Variants in ZNF627 observed in about 807,000 individuals in gnomAD.
ZNF627 encodes the protein zinc finger protein 627.
In ZNF627, 12 loss-of-function variants were observed where a neutral mutation model predicts 10.6. The observed-to-expected ratio is 1.13, with a 90% CI of 0.73 to 1.84. The LOEUF (loss-of-function observed/expected upper bound fraction) is 1.84. ZNF627 is among the 40% of genes most tolerant of loss of function. ZNF627 has a pLI of 0.00. For synonymous variants in ZNF627, 176 were observed against 187.1 expected (o/e 0.94, Z 0.48); for missense variants, 504 against 568.4 (o/e 0.89, Z 1.15).
In ZNF627 at chr19:11,609,649, C is replaced by T. The variant is rs181651168; in HGVS notation, c.4-4878C>T. 9.7e-3 allele frequency among the ~76,000 whole-genome samples: 1,472 copies of T among 151,300 alleles called. 27 individuals are homozygous for T. The highest frequency in any genetic ancestry group is 0.033 in the African/African-American group (1,378 of 41,302). On this transcript the variant is annotated intron_variant, in intron 1 of 3. Coordinates refer to ENST00000361113, the MANE Select transcript of ZNF627 (RefSeq NM_145295.4). ...TCTCCTGCCTCAGCCTCCCAGGTAG[C>T]TGGGATTACAGGCGCCTGCCACCAT...
chr19:11,597,690 G>C lies in ZNF627; in HGVS notation c.3+60G>C, dbSNP rs1166554087. The C allele has an allele frequency of 3.8e-6, 5 of 1,327,182 alleles. 1 individual carries two copies. The highest frequency in any genetic ancestry group is 2.8e-5 in the East Asian group (1 of 35,904). The allele number at this position is 1,327,182 out of a possible 1,614,324, so 82.2% of individuals were successfully genotyped here. A position where few individuals can be genotyped will look rare whatever the true frequency, so the allele number is the denominator to read the frequency against. ...GGGAGGGGCTGGTTGGAACCGGCCG[G>C]AACCGGCTGTGGAGGGACCTAGGCC... On this transcript the variant is annotated intron_variant, in intron 1 of 3. Transcript: ENST00000361113.
intron 1 of ZNF627, among the ~76,000 whole-genome samples, chr19:11,601,892 A>C (rs1599653540): frequency 1.3e-5 from 2 of 150,624 alleles, no homozygotes; most frequent in African/African-American, 4.9e-5. Context: ...TGTAATCCCA[A>C]CTACTCGGGA....
chr19:11,608,082 A>G (rs976795475), intron 1 of ZNF627, among the ~76,000 whole-genome samples: 3 of 152,204 alleles, frequency 2.0e-5, no homozygotes, highest in African/African-American at 7.2e-5. Flanking sequence ...ACGGAAGGAA[A>G]AAGCAAACAT....
chr19:11,603,948 C>G (rs1048838059), intron 1 of ZNF627, among the ~76,000 whole-genome samples: 1 of 151,726 alleles, frequency 6.6e-6, no homozygotes, highest in African/African-American at 2.4e-5. Context: ...GCTGGGACCA[C>G]AGGTGTGCAC....
At position 11,614,603 on chromosome 19, in the gene ZNF627, ATC is replaced by A; in HGVS notation, c.84_85del (p.Tyr29GlnfsTer24). 1 of 1,613,864 alleles carries A rather than the reference ATC, an allele frequency of 6.2e-7. No homozygotes were observed. Among genetic ancestry groups the A allele is most frequent in the Non-Finnish European group, 8.5e-7 (1 of 1,179,974 alleles). ...GCTTTGCTGGATCCTTCCCAGAAGAATCTCTACAGGGATGTGATGCGGGAAAC... is the reference window on the plus strand; with the variant it reads ...GCTTTGCTGGATCCTTCCCAGAAGAATCTACAGGGATGTGATGCGGGAAAC... On this transcript the variant is annotated frameshift_variant, in exon 2 of 4. Transcript: ENST00000361113. LOFTEE classifies it high-confidence loss of function.
intron 1 of ZNF627, among the ~76,000 whole-genome samples, chr19:11,605,147 G>C (rs551744351): frequency 2.1e-5 from 3 of 144,320 alleles, no homozygotes; most frequent in Admixed American, 7.3e-5. Context: ...GCAGTGGTGC[G>C]ATCATGGCTC....
chr19:11,599,633 C>T (rs894289590), intron 1 of ZNF627, among the ~76,000 whole-genome samples: 1 of 152,032 alleles, frequency 6.6e-6, no homozygotes, highest in Non-Finnish European at 1.5e-5. Flanking sequence ...AGGCCGGGCG[C>T]GGTGGCTCAC....
At chr19:11,598,967 AG>A (rs1398070981) in intron 1 of ZNF627, among the ~76,000 whole-genome samples, 10 of 152,326 alleles carry the variant, frequency 6.6e-5, no homozygotes, top group Admixed American at 1.3e-4. Flanking sequence ...GGATCACCTG[AG>A]GCCAGGAGTT....
intron 1 of ZNF627, among the ~76,000 whole-genome samples, chr19:11,601,615 C>T (rs1291904185): frequency 2.6e-5 from 4 of 152,058 alleles, no homozygotes; most frequent in Non-Finnish European, 4.4e-5. Flanking sequence ...CCCCAAATTC[C>T]AGGATTATGG....
At chr19:11,597,796 C>G (rs1239030839) in intron 1 of ZNF627, among the ~76,000 whole-genome samples, 166 bp downstream of exon 1, 1 of 152,214 alleles carries the variant, frequency 6.6e-6, no homozygotes, top group Non-Finnish European at 1.5e-5. Flanking sequence ...GGACCCCGGT[C>G]GTCCTGTCCC....
At chr19:11,602,372 A>T (rs1305053361) in intron 1 of ZNF627, among the ~76,000 whole-genome samples, 1 of 152,206 alleles carries the variant, frequency 6.6e-6, no homozygotes, top group Non-Finnish European at 1.5e-5. Flanking sequence ...TGTCATAGGT[A>T]AAAAAGCAGT....
chr19:11,604,711 G>A (rs1973644405), intron 1 of ZNF627, among the ~76,000 whole-genome samples: 1 of 152,116 alleles, frequency 6.6e-6, no homozygotes, highest in African/African-American at 2.4e-5. Flanking sequence ...AGATTGCACT[G>A]GAAACTTGTT....
At chr19:11,609,063 G>A (rs1165901220) in intron 1 of ZNF627, among the ~76,000 whole-genome samples, 3 of 151,998 alleles carry the variant, frequency 2.0e-5, no homozygotes, top group African/African-American at 7.3e-5. Context: ...TAGAGACAGG[G>A]TTTTGCCATG....
intron 1 of ZNF627, among the ~76,000 whole-genome samples, chr19:11,609,016 G>T (rs893988629): frequency 2.0e-5 from 3 of 151,964 alleles, no homozygotes; most frequent in African/African-American, 7.3e-5. Flanking sequence ...AGACTAGAGG[G>T]CATGCCACCA....
At chr19:11,601,853 A>G (rs1285450214) in intron 1 of ZNF627, among the ~76,000 whole-genome samples, 1 of 151,746 alleles carries the variant, frequency 6.6e-6, no homozygotes, top group Non-Finnish European at 1.5e-5. Flanking sequence ...TAAAAATACA[A>G]AAATTAGCCG....
At position 11,614,494 on chromosome 19, in the gene ZNF627, A is replaced by C. The variant is rs774716812; in HGVS notation, c.4-33A>C. 1.9e-6 allele frequency: 3 copies of C among 1,613,200 alleles called. No individual in the cohort carries two copies. The African/African-American group carries it at 4.0e-5, about 22-fold the overall frequency. ...TAGGCCCCCAGTGCTGTCTGTCTCA[A>C]CCTTCCTCCTCCACACATGGGGGAT... is the stretch of plus-strand genomic sequence containing the variant. On this transcript the variant is annotated intron_variant, in intron 1 of 3. Transcript: ENST00000361113.
At chr19:11,601,831 C>A (rs1973590142) in intron 1 of ZNF627, among the ~76,000 whole-genome samples, 1 of 151,488 alleles carries the variant, frequency 6.6e-6, no homozygotes, top group East Asian at 1.9e-4. Context: ...CATAGTGAAA[C>A]CCCATCTCTA....
rs541676388 is a variant in ZNF627, at chr19:11,608,696, T to C, written c.4-5831T>C. ...CCCATTTATTATTTATTTATTTTTA[T>C]TTTCACTTTTTTTTGGAAAGAGCTA... is the stretch of plus-strand genomic sequence containing the variant. On this transcript the variant is annotated intron_variant, in intron 1 of 3. Coordinates refer to ENST00000361113, the MANE Select transcript of ZNF627 (RefSeq NM_145295.4). Among the ~76,000 whole-genome samples, 13 of 152,220 alleles carry C rather than the reference T, an allele frequency of 8.5e-5. No homozygotes were observed. In the East Asian group the frequency reaches 2.3e-3, roughly 27 times the overall value.
At chr19:11,609,201 C>A (rs1973723145) in intron 1 of ZNF627, among the ~76,000 whole-genome samples, 1 of 151,868 alleles carries the variant, frequency 6.6e-6, no homozygotes, top group South Asian at 2.1e-4. Flanking sequence ...GCTATAAAAA[C>A]AATTAAAAAT....
Sources: allele counts gnomAD v4.1 joint callset (sites outside exome capture counted in the v4.1 genomes callset), GRCh38; gene constraint gnomAD v4.1.1; transcripts MANE v1.5; gene names NCBI Gene and HGNC (gene_info 2026-07-23, HGNC 2026-07-21).